Variants in DNAI3 observed in about 807,000 individuals in gnomAD.
The protein encoded by DNAI3 is WD repeat domain 63.
Under a neutral mutation model 115.5 loss-of-function variants are expected in DNAI3, and 83 were observed. The ratio of observed to expected loss-of-function variants is 0.72; its 90% CI spans 0.60 to 0.86. DNAI3 has a LOEUF of 0.86. Ranked by LOEUF, DNAI3 falls within the 40% of genes least tolerant of loss-of-function variation. The probability of loss-of-function intolerance (pLI) is 0.00; values close to 1 mark genes in which losing one functional copy is unlikely to be tolerated. For synonymous variants in DNAI3, 320 were observed against 347.0 expected (o/e 0.92, Z 0.86); for missense variants, 1,004 against 1,075.8 (o/e 0.93, Z 0.93).
In DNAI3 at chr1:85,110,122, T is replaced by C; in HGVS notation, c.1773T>C (p.Leu591=). 6.2e-7 allele frequency: 1 copy of C among 1,613,456 alleles called. No homozygotes were observed. The highest frequency in any genetic ancestry group is 8.5e-7 in the Non-Finnish European group (1 of 1,179,754). ...TKISLNEDHL[L]CKTQDKMLAQ... Reference sequence around the variant, plus strand: ...TAAGCCTGAATGAAGACCATCTTCTTTGCAAAACACAAGGTAACTGCCTTT... The same window carrying C: ...TAAGCCTGAATGAAGACCATCTTCTCTGCAAAACACAAGGTAACTGCCTTT... The change falls in exon 16 of 23, where the codon CTT becomes CTC. Residue 591 remains leucine (L), a synonymous_variant. Coordinates refer to ENST00000294664, the MANE Select transcript of DNAI3 (RefSeq NM_145172.5).
At chr1:85,118,030 A>G (rs1333319329) in intron 17 of DNAI3, among the ~76,000 whole-genome samples, 171 bp downstream of exon 17, 1 of 152,210 alleles carries the variant, frequency 6.6e-6, no homozygotes, top group Non-Finnish European at 1.5e-5. Flanking sequence ...TCATAGTTTC[A>G]CCTTTAAAAT....
At chr1:85,068,552 T>C (rs967954906) in intron 1 of DNAI3, among the ~76,000 whole-genome samples, 36 of 152,322 alleles carry the variant, frequency 2.4e-4, no homozygotes, top group Non-Finnish European at 4.9e-4. Flanking sequence ...CTGCAGTCTT[T>C]TCTCAACACA....
chr1:85,072,956 A>AAAAG, intron 2 of DNAI3, 98 bp from the exon 3 acceptor site: 1 of 436,446 alleles, frequency 2.3e-6, no homozygotes, highest in South Asian at 6.1e-5. Flanking sequence ...CTCCGTCTCA[A>AAAAG]AAAAAAAAAA....
In DNAI3 at chr1:85,108,068, C is replaced by A; in HGVS notation, c.1589C>A (p.Pro530His). Residue 530 changes from proline to histidine, a missense_variant, in exon 15 of 23, where the codon CCT (proline) becomes CAT (histidine). Transcript: ENST00000294664. Reference protein sequence around the residue: ...ICFWDIRPQKPLTPQTTEKKK... With the variant: ...ICFWDIRPQKHLTPQTTEKKK... ...TTTTGGGATATTAGACCACAGAAAC[C>A]TTTAACCCCCCAAACAACAGAGAAA... The A allele has an allele frequency of 1.2e-6, 2 of 1,607,050 alleles. No homozygotes were observed. Among genetic ancestry groups the A allele is most frequent in the Non-Finnish European group, 1.7e-6 (2 of 1,177,236 alleles).
Position 85,062,450 on chromosome 1 carries a change from C to A in DNAI3, c.-51C>A, listed in dbSNP as rs1008440461. 2 of 152,170 alleles carry A rather than the reference C, an allele frequency of 1.3e-5. No individual in the cohort carries two copies. The highest frequency in any genetic ancestry group is 3.9e-4 in the East Asian group (2 of 5,194). 9.4% of individuals were successfully genotyped at this position (152,170 alleles called of 1,614,324 possible). On this transcript the variant is annotated 5_prime_UTR_variant, in exon 1 of 23. Transcript: ENST00000294664. ...GAAGGAGCTTTTCCTGAGGGCACTG[C>A]AAAGAGGCTCCTTTTCTTTCAGATC...
At chr1:85,097,679 T>C in intron 12 of DNAI3, 24 bp downstream of exon 12, 1 of 1,590,832 alleles carries the variant, frequency 6.3e-7, no homozygotes, top group Non-Finnish European at 8.6e-7. Flanking sequence ...AACATTTCAC[T>C]TGCAAGTTTT....
At chr1:85,120,688 C>A (rs746419977) in intron 17 of DNAI3, among the ~76,000 whole-genome samples, 3 of 152,114 alleles carry the variant, frequency 2.0e-5, no homozygotes, top group Non-Finnish European at 4.4e-5. Flanking sequence ...AAGTGGTATC[C>A]GTGAGGGTGA....
intron 17 of DNAI3, among the ~76,000 whole-genome samples, chr1:85,119,535 G>A (rs547814862): frequency 1.2e-4 from 19 of 152,250 alleles, no homozygotes; most frequent in African/African-American, 4.6e-4. Flanking sequence ...AGAAATTAAA[G>A]CATGACACCC....
intron 14 of DNAI3, among the ~76,000 whole-genome samples, chr1:85,104,996 T>C (rs939976740): frequency 6.6e-6 from 1 of 152,232 alleles, no homozygotes; most frequent in Non-Finnish European, 1.5e-5. Flanking sequence ...AAAAAGTGTT[T>C]TTATAAACAA....
At chr1:85,119,585 A>G (rs1249363577) in intron 17 of DNAI3, among the ~76,000 whole-genome samples, 2 of 152,198 alleles carry the variant, frequency 1.3e-5, no homozygotes, top group Non-Finnish European at 2.9e-5. Flanking sequence ...TACAACATGA[A>G]TAAAATCCAG....
chr1:85,124,545 G>A (rs1446976176), intron 19 of DNAI3, among the ~76,000 whole-genome samples: 1 of 152,082 alleles, frequency 6.6e-6, no homozygotes, highest in East Asian at 1.9e-4. Context: ...TTTTTTGGGG[G>A]TGGGGGCCAA....
At chr1:85,121,473 G>A (rs142704296) in intron 17 of DNAI3, among the ~76,000 whole-genome samples, 172 of 152,268 alleles carry the variant, frequency 1.1e-3, no homozygotes, top group Admixed American at 3.1e-3. Flanking sequence ...GATGCCCAGC[G>A]GTTGGGACTA....
At chr1:85,105,717 A>C (rs1655469458) in intron 14 of DNAI3, among the ~76,000 whole-genome samples, 1 of 152,184 alleles carries the variant, frequency 6.6e-6, no homozygotes, top group Non-Finnish European at 1.5e-5. Flanking sequence ...TGGGCCTTGG[A>C]AACAGCCCCA....
intron 14 of DNAI3, among the ~76,000 whole-genome samples, chr1:85,105,267 G>A (rs1352901485): frequency 1.3e-5 from 2 of 152,138 alleles, no homozygotes; most frequent in African/African-American, 4.8e-5. Flanking sequence ...AGGGAGACAT[G>A]ATTAATCCTG....
At position 85,081,406 on chromosome 1, in the gene DNAI3, A is replaced by T; in HGVS notation, c.276A>T (p.Lys92Asn). 1 of 1,574,538 alleles carries T rather than the reference A, an allele frequency of 6.4e-7. No individual in the cohort carries two copies. The highest frequency in any genetic ancestry group is 8.6e-7 in the Non-Finnish European group (1 of 1,168,064). The stretch of plus-strand genomic sequence containing the variant: ...TATCTGATTTCCACCCAGTCAAAAA[A>T]ATTGTCCAGGTAAGCACAATATCCC... ...AAVSDFHPVK[K>N]IVQEYPGNEL... Residue 92 changes from lysine to asparagine, a missense_variant, in exon 4 of 23, where the codon AAA becomes AAT. By Grantham distance (94) the Lys-to-Asn change is moderately conservative (BLOSUM62 0). This residue lies in a region of DNAI3 where 550 missense variants were observed against 568.1 expected (regional missense o/e 0.97). Transcript: ENST00000294664.
At chr1:85,082,465 A>T (rs1193932434) in intron 5 of DNAI3, 61 bp downstream of exon 5, 5 of 1,346,374 alleles carry the variant, frequency 3.7e-6, no homozygotes, top group Non-Finnish European at 5.3e-6. Context: ...GTTGTTTTTG[A>T]GATAGGCTCT....
chr1:85,092,794 T>C (rs1322137142), intron 8 of DNAI3, among the ~76,000 whole-genome samples: 5 of 145,280 alleles, frequency 3.4e-5, no homozygotes, highest in African/African-American at 1.3e-4. Context: ...CAACTAAAAC[T>C]ACACACACAC....
intron 17 of DNAI3, 49 bp from the exon 18 acceptor site, chr1:85,121,702 T>C (rs1308651535): frequency 6.5e-7 from 1 of 1,549,390 alleles, no homozygotes; most frequent in Non-Finnish European, 8.9e-7. Flanking sequence ...TGAAGTCTTT[T>C]GTCTCTTAAG....
Position 85,100,658 on chromosome 1 carries a change from A to G in DNAI3, c.1479+2000A>G, listed in dbSNP as rs565287663. ...AAAGGATTATAAATCATGCTGCTATAAAGACACATGCACACGTATGTTTAT... is the reference window on the plus strand; with the variant it reads ...AAAGGATTATAAATCATGCTGCTATGAAGACACATGCACACGTATGTTTAT... On this transcript the variant is annotated intron_variant, in intron 13 of 22. Coordinates refer to ENST00000294664, the MANE Select transcript of DNAI3 (RefSeq NM_145172.5). Among the ~76,000 whole-genome samples the G allele has an allele frequency of 9.2e-5, 14 of 152,306 alleles. No homozygotes were observed. In the East Asian group the frequency reaches 2.3e-3, roughly 25 times the overall value.
Sources: gnomAD v4.1 joint callset for allele counts (sites outside exome capture counted in the v4.1 genomes callset) on GRCh38, gnomAD v4.1.1 for gene constraint, gnomAD v4.1.1 regional missense constraint, MANE v1.5 for transcripts, NCBI Gene and HGNC (gene_info 2026-07-23, HGNC 2026-07-21) for gene names.